Variants in SF3A3 observed in about 807,000 individuals in gnomAD.
SF3A3 encodes the protein splicing factor 3a subunit 3, also known as SAP 61.
Under a neutral mutation model 85.8 loss-of-function variants are expected in SF3A3, and 9 were observed. The ratio of observed to expected loss-of-function variants is 0.10; its 90% CI spans 0.06 to 0.18. SF3A3 has a LOEUF of 0.18. SF3A3 is among the 10% of genes least tolerant of loss of function. The pLI, the probability that SF3A3 is intolerant of heterozygous loss-of-function variation, is 1.00. For missense variants in SF3A3, 306 were observed against 593.3 expected, an observed-to-expected ratio of 0.52 and a Z score of 5.03; for synonymous variants, 195 against 204.4, an observed-to-expected ratio of 0.95 and a Z score of 0.39.
In SF3A3 at chr1:37,960,109, T is replaced by G. The variant is rs377489244; in HGVS notation, c.1428+11A>C. Reference sequence around the variant, plus strand: ...GACACTATCCCTAACACCATCCACATTAGTACCCACCTCAGTGTCAGGCTG... The same window carrying G: ...GACACTATCCCTAACACCATCCACAGTAGTACCCACCTCAGTGTCAGGCTG... On this transcript the variant is annotated intron_variant, in intron 16 of 16. Coordinates refer to ENST00000373019, the MANE Select transcript of SF3A3 (RefSeq NM_006802.4). The G allele has an allele frequency of 2.1e-5, 34 of 1,612,650 alleles. No individual in the cohort carries two copies. In the African/African-American group the frequency reaches 4.4e-4, roughly 21 times the overall value.
At chr1:37,985,329 G>C (rs1193230107) in intron 4 of SF3A3, among the ~76,000 whole-genome samples, 1 of 152,104 alleles carries the variant, frequency 6.6e-6, no homozygotes, top group African/African-American at 2.4e-5. Context: ...TAATTCTCCT[G>C]AGAACAGGTG....
chr1:37,984,932 C>T (rs1420826049), intron 4 of SF3A3, among the ~76,000 whole-genome samples, 153 bp from the exon 5 acceptor site: 3 of 152,132 alleles, frequency 2.0e-5, no homozygotes, highest in Non-Finnish European at 2.9e-5. Flanking sequence ...CTCGGCCACC[C>T]GAGTAGCTGG....
intron 15 of SF3A3, among the ~76,000 whole-genome samples, chr1:37,965,190 G>A (rs1646290206): frequency 6.6e-6 from 1 of 150,860 alleles, no homozygotes; most frequent in Non-Finnish European, 1.5e-5. Flanking sequence ...ATAAAGTTGG[G>A]TGCAGTGCCT....
At chr1:37,979,430 C>T in intron 9 of SF3A3, 35 bp downstream of exon 9, 1 of 1,507,394 alleles carries the variant, frequency 6.6e-7, no homozygotes, top group Non-Finnish European at 9.2e-7. Flanking sequence ...GAAAAATAGA[C>T]AGAGAGAACA....
chr1:37,980,854 T>A, intron 7 of SF3A3, 130 bp from the exon 8 acceptor site: 1 of 733,508 alleles, frequency 1.4e-6, no homozygotes, highest in Non-Finnish European at 1.9e-6. Context: ...TTTTTTTTTT[T>A]TTTTTTTTTT....
chr1:37,960,343 A>G, intron 15 of SF3A3, 168 bp from the exon 16 acceptor site: 1 of 540,436 alleles, frequency 1.9e-6, no homozygotes, highest in Non-Finnish European at 3.3e-6. Flanking sequence ...TATAGACAAA[A>G]CCCTTTCCAC....
intron 8 of SF3A3, 26 bp downstream of exon 8, chr1:37,980,560 A>G (rs1328486712): frequency 1.2e-6 from 2 of 1,610,114 alleles, no homozygotes; most frequent in Non-Finnish European, 1.7e-6. Flanking sequence ...TGGCATGTCC[A>G]CCATTCACAT....
Position 37,988,885 on chromosome 1 carries a change from A to G in SF3A3, c.144+663T>C, listed in dbSNP as rs769922899. Among the ~76,000 whole-genome samples, 672 of 145,372 alleles carry G rather than the reference A, an allele frequency of 4.6e-3. 3 individuals carry two copies. The highest frequency in any genetic ancestry group is 0.015 in the South Asian group (71 of 4,702). On this transcript the variant is annotated intron_variant, in intron 2 of 16. Transcript: ENST00000373019. ...TGTGTGTGTGTGTGTGTGTGTATAT[A>G]TATATATATATTTTTTTTTTCATTT...
intron 15 of SF3A3, among the ~76,000 whole-genome samples, chr1:37,964,593 G>A (rs1287108492): frequency 6.6e-6 from 1 of 152,114 alleles, no homozygotes; most frequent in African/African-American, 2.4e-5. Flanking sequence ...GGTTGACAGA[G>A]CAAGACTCTG....
chr1:37,979,685 G>A (rs2148722123), intron 8 of SF3A3, 152 bp from the exon 9 acceptor site: 2 of 568,080 alleles, frequency 3.5e-6, no homozygotes, highest in East Asian at 2.9e-5. Context: ...GTGAAATCTT[G>A]TCTCTACAAA....
At chr1:37,987,913 C>T in intron 2 of SF3A3, 77 bp from the exon 3 acceptor site, 1 of 1,199,686 alleles carries the variant, frequency 8.3e-7, no homozygotes, top group East Asian at 2.3e-5. Flanking sequence ...AAGGGTTCTC[C>T]AGTCAAAGCC....
intron 8 of SF3A3, 151 bp downstream of exon 8, chr1:37,980,435 A>G (rs1454549940): frequency 2.4e-6 from 2 of 824,024 alleles, no homozygotes; most frequent in African/African-American, 3.5e-5. Context: ...CAAAAAAAAA[A>G]AACATAGCAT....
At position 37,971,719 on chromosome 1, in the gene SF3A3, C is replaced by T. The variant is rs574852552; in HGVS notation, c.1006-1984G>A. ...GGTTCAACATACGCAAATCAATAAA[C>T]GTAATCCATCATATAAACAGAACCA... On this transcript the variant is annotated intron_variant, in intron 12 of 16. Transcript: ENST00000373019. Among the ~76,000 whole-genome samples, 96 of 152,250 alleles carry T rather than the reference C, an allele frequency of 6.3e-4. 1 individual carries two copies. Among genetic ancestry groups the T allele is most frequent in the African/African-American group, 2.2e-3 (91 of 41,542 alleles).
intron 15 of SF3A3, among the ~76,000 whole-genome samples, chr1:37,963,932 A>G (rs1012488357): frequency 2.7e-5 from 4 of 147,600 alleles, no homozygotes; most frequent in African/African-American, 1.0e-4. Flanking sequence ...CTGTAATCCC[A>G]GCACTTTGGG....
At chr1:37,974,929 TTCTC>T (rs1231579158) in intron 12 of SF3A3, among the ~76,000 whole-genome samples, 4 of 152,190 alleles carry the variant, frequency 2.6e-5, no homozygotes, top group Non-Finnish European at 5.9e-5. Context: ...TTCTTCTCCC[TTCTC>T]TCTTTCTACT....
At position 37,958,124 on chromosome 1, in the gene SF3A3, T is replaced by C. The variant is rs780398934; in HGVS notation, c.*62A>G. ...TTTAAGAGGATTTGGTTGGGAGAAA[T>C]AGAAAAAGCAGATCTTAGGGAAGCC... On this transcript the variant is annotated 3_prime_UTR_variant, in exon 17 of 17. Transcript: ENST00000373019. 5 of 1,084,976 alleles carry C rather than the reference T, an allele frequency of 4.6e-6. No homozygotes were observed. The highest frequency in any genetic ancestry group is 7.1e-6 in the Non-Finnish European group (5 of 699,632). The allele number at this position is 1,084,976 out of a possible 1,614,324, so 67.2% of individuals were successfully genotyped here.
At chr1:37,968,892 A>T (rs769262183) in intron 14 of SF3A3, among the ~76,000 whole-genome samples, 4 of 152,234 alleles carry the variant, frequency 2.6e-5, no homozygotes, top group Non-Finnish European at 4.4e-5. Flanking sequence ...CAGCAGTATC[A>T]TCCGGACAAT....
intron 2 of SF3A3, among the ~76,000 whole-genome samples, chr1:37,988,638 A>C (rs1646471511): frequency 6.6e-6 from 1 of 152,172 alleles, no homozygotes; most frequent in Non-Finnish European, 1.5e-5. Context: ...TGCAAATCAG[A>C]AGGTCCAAGT....
intron 4 of SF3A3, among the ~76,000 whole-genome samples, chr1:37,985,321 A>T (rs1032959198): frequency 1.3e-5 from 2 of 152,212 alleles, no homozygotes; most frequent in African/African-American, 4.8e-5. Flanking sequence ...ACCTTTATTA[A>T]TTCTCCTGAG....
Sources: gnomAD v4.1 joint callset for allele counts (sites outside exome capture counted in the v4.1 genomes callset) on GRCh38, gnomAD v4.1.1 for gene constraint, MANE v1.5 for transcripts, NCBI Gene and HGNC (gene_info 2026-07-23, HGNC 2026-07-21) for gene names.